The following DNAH6 variants were observed in gnomAD, a reference collection of about 807,000 sequenced individuals.
DNAH6 encodes axonemal beta dynein heavy chain 6.
In DNAH6, 340 loss-of-function variants were observed where a neutral mutation model predicts 491.4. The ratio of observed to expected loss-of-function variants is 0.69; its 90% confidence interval spans 0.63 to 0.76. The LOEUF is 0.76. DNAH6 is among the 30% of genes least tolerant of loss of function. DNAH6 has a pLI of 0.00. For missense variants in DNAH6, 4,443 were observed against 4,972.2 expected, an observed-to-expected ratio of 0.89 and a Z score of 3.20; for synonymous variants, 1,603 against 1,686.1, an observed-to-expected ratio of 0.95 and a Z score of 1.21.
the DNAH6 span, among the ~76,000 whole-genome samples, chr2:84,479,596 C>G: frequency 1.3e-5 from 2 of 152,186 alleles, no homozygotes; most frequent in African/African-American, 4.8e-5. Context: ...AAGCAAGATT[C>G]CCTGAGACCC....
intron 46 of DNAH6, among the ~76,000 whole-genome samples, chr2:84,694,965 C>T (rs1365028044): frequency 6.6e-6 from 1 of 152,068 alleles, no homozygotes; most frequent in Non-Finnish European, 1.5e-5. Flanking sequence ...ATTGATTATT[C>T]TTGGGTATTT....
At position 84,525,595 on chromosome 2, in the gene DNAH6, C is replaced by A. The variant is rs758722950; in HGVS notation, c.256C>A (p.Gln86Lys). 14 of 1,547,822 alleles carry A rather than the reference C, an allele frequency of 9.0e-6. No homozygotes were observed. Among genetic ancestry groups the A allele is most frequent in the African/African-American group, 1.4e-5 (1 of 72,754 alleles). Residue 86 changes from glutamine (Q) to lysine (K), a missense_variant, in exon 3 of 77, where the codon CAG becomes AAG. This residue lies in a region of DNAH6 where 2,977 missense variants were observed against 3,296.6 expected (regional missense o/e 0.90). Coordinates refer to ENST00000389394, the MANE Select transcript of DNAH6 (RefSeq NM_001370.2). ...GCTAAAAGTCTACCAAGATCATAAG[C>A]AGCCAGAATACATACATGAACAGAA... Reference protein sequence around the residue: ...PVLKVYQDHKQPEYIHEQNRF... With the variant: ...PVLKVYQDHKKPEYIHEQNRF...
chr2:84,635,630 C>T (rs894894979), intron 30 of DNAH6, among the ~76,000 whole-genome samples: 9 of 152,154 alleles, frequency 5.9e-5, no homozygotes, highest in African/African-American at 2.2e-4. Context: ...AGGATTGAAG[C>T]TTTGCCCACT....
chr2:84,816,170 A>G (rs1290201629), intron 76 of DNAH6, 87 bp downstream of exon 76: 2 of 1,086,268 alleles, frequency 1.8e-6, no homozygotes, highest in African/African-American at 1.6e-5. Flanking sequence ...TTGGCTCAAG[A>G]TCTCCCTTGG....
Position 84,573,684 on chromosome 2 carries a change from G to C in DNAH6, c.1924+97G>C, listed in dbSNP as rs78902083. Reference sequence around the variant, plus strand: ...TTTGGTGGTGTCTGGGGACACAAATGGTAGCCCAAAAGAGTTGGCCTGACA... The same window carrying C: ...TTTGGTGGTGTCTGGGGACACAAATCGTAGCCCAAAAGAGTTGGCCTGACA... On this transcript the variant is annotated intron_variant, in intron 12 of 76. Coordinates refer to ENST00000389394, the MANE Select transcript of DNAH6 (RefSeq NM_001370.2). 831 of 1,096,672 alleles carry C rather than the reference G, an allele frequency of 7.6e-4. 19 individuals are homozygous for C. In the East Asian group the frequency reaches 0.022, roughly 29 times the overall value. 67.9% of individuals were successfully genotyped at this position (1,096,672 alleles called of 1,614,324 possible).
intron 45 of DNAH6, among the ~76,000 whole-genome samples, chr2:84,689,445 G>A (rs1286344294): frequency 6.6e-6 from 1 of 152,116 alleles, no homozygotes; most frequent in Non-Finnish European, 1.5e-5. Context: ...ACCGCCGCTG[G>A]AGTGCCTGGA....
intron 64 of DNAH6, among the ~76,000 whole-genome samples, 196 bp from the exon 65 acceptor site, chr2:84,781,297 G>A (rs1198711264): frequency 6.6e-6 from 1 of 152,078 alleles, no homozygotes; most frequent in Non-Finnish European, 1.5e-5. Context: ...TTCGGTTTTT[G>A]CACTTTTCTA....
chr2:84,709,063 A>G (rs895989834), intron 54 of DNAH6, among the ~76,000 whole-genome samples: 1 of 152,246 alleles, frequency 6.6e-6, no homozygotes, highest in African/African-American at 2.4e-5. Context: ...GTTGAAAACC[A>G]CTGCGACAAC....
Position 84,595,680 on chromosome 2 carries a change from A to G in DNAH6, c.2759A>G (p.Asn920Ser). The stretch of plus-strand genomic sequence containing the variant: ...GATTGCCTGGATCCAGAAGTCCTAA[A>G]CGGTCAAGTTTCTAAATATGCTAAA... ...KFDCLDPEVL[N>S]GQVSKYAKFV... The change falls in exon 18 of 77, where the codon AAC (asparagine) becomes AGC (serine). Residue 920 changes from asparagine (N) to serine (S), a missense_variant. Asn to Ser is a conservative substitution (Grantham distance 46). Around this residue, in one of 3 missense-constraint regions of DNAH6, gnomAD observed 2,977 missense variants for 3,296.6 expected, o/e 0.90. Transcript: ENST00000389394. 1 of 1,550,844 alleles carries G rather than the reference A, an allele frequency of 6.4e-7. No individual in the cohort carries two copies. Among genetic ancestry groups the G allele is most frequent in the Non-Finnish European group, 8.7e-7 (1 of 1,146,622 alleles).
chr2:84,598,428 G>A (rs937749934), intron 18 of DNAH6, among the ~76,000 whole-genome samples: 1 of 152,096 alleles, frequency 6.6e-6, no homozygotes, highest in African/African-American at 2.4e-5. Flanking sequence ...GTCTCATTTT[G>A]TAGTGATTTT....
intron 1 of DNAH6, 30 bp from the exon 2 acceptor site, chr2:84,517,789 A>G (rs1453550984): frequency 1.2e-5 from 18 of 1,510,306 alleles, no homozygotes; most frequent in Non-Finnish European, 1.6e-5. Context: ...TCTACTTTTC[A>G]TTTTCTTTTT....
At chr2:84,484,434 A>G in the DNAH6 span, among the ~76,000 whole-genome samples, 1 of 152,242 alleles carries the variant, frequency 6.6e-6, no homozygotes, top group Non-Finnish European at 1.5e-5. Flanking sequence ...TGCAGACACA[A>G]TGTTCACCAA....
At chr2:84,563,302 T>C (rs1680853674) in intron 11 of DNAH6, among the ~76,000 whole-genome samples, 1 of 152,216 alleles carries the variant, frequency 6.6e-6, no homozygotes, top group South Asian at 2.1e-4. Context: ...TTGAGAAATC[T>C]CCAAACTGCT....
chr2:84,526,876 T>A (rs377523683), intron 3 of DNAH6, among the ~76,000 whole-genome samples: 91 of 152,146 alleles, frequency 6.0e-4, no homozygotes, highest in African/African-American at 2.1e-3. Flanking sequence ...CTTCAAAAAT[T>A]TGAATTTAAA....
intron 10 of DNAH6, among the ~76,000 whole-genome samples, chr2:84,554,291 C>T (rs558021158): frequency 1.3e-5 from 2 of 152,268 alleles, no homozygotes; most frequent in African/African-American, 2.4e-5. Flanking sequence ...TGCTGCATCA[C>T]GTAACCTAAT....
intron 9 of DNAH6, 87 bp downstream of exon 9, chr2:84,550,144 G>A: frequency 9.1e-7 from 1 of 1,095,118 alleles, no homozygotes; most frequent in South Asian, 1.9e-5. Context: ...GCTATTTTCT[G>A]TGCACTAAAA....
chr2:84,583,875 T>C, intron 14 of DNAH6, 124 bp from the exon 15 acceptor site: 1 of 996,778 alleles, frequency 1.0e-6, no homozygotes, highest in South Asian at 1.6e-5. Flanking sequence ...ATGTCTTTAT[T>C]AGCAGCAGCA....
intron 62 of DNAH6, among the ~76,000 whole-genome samples, chr2:84,743,692 T>G (rs1672716075): frequency 6.6e-6 from 1 of 152,080 alleles, no homozygotes; most frequent in Non-Finnish European, 1.5e-5. Context: ...TGTGGTGGTG[T>G]GCACCTGTAG....
intron 11 of DNAH6, among the ~76,000 whole-genome samples, chr2:84,570,356 G>T (rs1039556551): frequency 5.9e-5 from 9 of 151,616 alleles, no homozygotes; most frequent in African/African-American, 2.2e-4. Flanking sequence ...ACCAATCATT[G>T]CTCTGTGTCT....
Sources: allele counts gnomAD v4.1 joint callset (sites outside exome capture counted in the v4.1 genomes callset), GRCh38; gene constraint gnomAD v4.1.1; regional missense constraint gnomAD v4.1.1; transcripts MANE v1.5; gene names NCBI Gene and HGNC (gene_info 2026-07-23, HGNC 2026-07-21).